CEP295: variants seen among roughly 807,000 people sequenced by gnomAD.
The protein encoded by CEP295 is centrosomal protein of 295 kDa.
In CEP295, 190 loss-of-function variants were observed where a neutral mutation model predicts 291.6. The observed-to-expected ratio is 0.65, with a 90% CI of 0.58 to 0.73. The LOEUF (loss-of-function observed/expected upper bound fraction) is 0.73. Among genes scored for constraint, CEP295 ranks in the 30% least tolerant of loss-of-function variants. CEP295 has a pLI of 0.00. For missense variants in CEP295, 2,863 were observed against 2,949.4 expected, an observed-to-expected ratio of 0.97 and a Z score of 0.68; for synonymous variants, 993 against 1,038.8, an observed-to-expected ratio of 0.96 and a Z score of 0.85.
intron 9 of CEP295, among the ~76,000 whole-genome samples, chr11:93,687,245 A>G (rs1951288632): frequency 6.6e-6 from 1 of 152,180 alleles, no homozygotes; most frequent in Non-Finnish European, 1.5e-5. Flanking sequence ...CATATTTGGG[A>G]CCATTCTCTA....
chr11:93,686,067 C>A (rs1951219782), intron 9 of CEP295, among the ~76,000 whole-genome samples: 1 of 151,670 alleles, frequency 6.6e-6, no homozygotes, highest in African/African-American at 2.4e-5. Context: ...GCCTGTAATC[C>A]CAGCACTTTG....
chr11:93,681,679 G>C (rs1168546257), intron 7 of CEP295, among the ~76,000 whole-genome samples: 1 of 151,910 alleles, frequency 6.6e-6, no homozygotes, highest in Non-Finnish European at 1.5e-5. Context: ...CTCCCAAATT[G>C]CTGGGATTAC....
rs113794262 is a variant in CEP295, at chr11:93,684,145, G to A, written c.1114+17G>A. On this transcript the variant is annotated intron_variant, in intron 9 of 29. Transcript: ENST00000325212. ...AAACAGATGGTAAAAACCCTTCTGA[G>A]CTAAATATTACAGTATTTCACAGAA... 2,424 of 1,544,974 alleles carry A rather than the reference G, an allele frequency of 1.6e-3. 43 individuals are homozygous for A. In the African/African-American group the frequency reaches 0.03, roughly 19 times the overall value.
Position 93,725,916 on chromosome 11 carries a change from G to A in CEP295, c.6499+85G>A. ...TAGAAATTAAGCCTAGCACCTCTTG[G>A]TTTGTCTTCACCCCTGCTCTCACCC... On this transcript the variant is annotated intron_variant, in intron 23 of 29. Coordinates refer to ENST00000325212, the MANE Select transcript of CEP295 (RefSeq NM_033395.2). The A allele has an allele frequency of 8.7e-6, 10 of 1,152,596 alleles. No individual in the cohort carries two copies. In the South Asian group the frequency reaches 1.4e-4, roughly 16 times the overall value. 71.4% of individuals were successfully genotyped at this position (1,152,596 alleles called of 1,614,324 possible). A position where few individuals can be genotyped will look rare whatever the true frequency, so the allele number is the denominator to read the frequency against.
At chr11:93,721,132 A>G (rs978247705) in intron 18 of CEP295, among the ~76,000 whole-genome samples, 180 bp from the exon 19 acceptor site, 7 of 152,246 alleles carry the variant, frequency 4.6e-5, no homozygotes. Flanking sequence ...TGACTAGTGA[A>G]TGTTTTTAAC....
chr11:93,702,755 A>G (rs1264880876), intron 16 of CEP295, 21 bp from the exon 17 acceptor site: 3 of 1,550,498 alleles, frequency 1.9e-6, no homozygotes, highest in Non-Finnish European at 2.6e-6. Flanking sequence ...ATTGTATCCA[A>G]CTTTGTCATT....
intron 22 of CEP295, 48 bp from the exon 23 acceptor site, chr11:93,725,603 G>A (rs1226476579): frequency 7.2e-7 from 1 of 1,395,408 alleles, no homozygotes; most frequent in Non-Finnish European, 9.7e-7. Flanking sequence ...TGTTTCAATT[G>A]TTAATACCTA....
Position 93,721,982 on chromosome 11 carries a change from C to G in CEP295, c.5879C>G (p.Ser1960Cys). 6.3e-7 allele frequency: 1 copy of G among 1,597,986 alleles called. No homozygotes were observed. Among genetic ancestry groups the G allele is most frequent in the Non-Finnish European group, 8.5e-7 (1 of 1,170,326 alleles). ...KAKTLSYEPL[S>C]SATVSTGSLL... ...AAAACACTGTCTTATGAACCATTAT[C>G]TTCAGCAACTGTTTCCACTGGGAGC... The change falls in exon 20 of 30, where the codon TCT (serine) becomes TGT (cysteine). Residue 1960 changes from serine (S) to cysteine (C), a missense_variant. Physicochemically the swap from Ser to Cys is moderately radical, Grantham distance 112 (BLOSUM62 -1). Coordinates refer to ENST00000325212, the MANE Select transcript of CEP295 (RefSeq NM_033395.2).
chr11:93,697,177 T>TG lies in CEP295; in HGVS notation c.2269dup (p.Ala757GlyfsTer17). On this transcript the variant is annotated frameshift_variant, in exon 15 of 30. Transcript: ENST00000325212. LOFTEE classifies it high-confidence loss of function. ...ATGCTAGAAAAATATCTGAAACATT[T>TG]GGGGCAACAACTTTTCAAAGTTTAG... 6.4e-7 allele frequency: 1 copy of TG among 1,551,872 alleles called. No homozygotes were observed. The highest frequency in any genetic ancestry group is 8.7e-7 in the Non-Finnish European group (1 of 1,147,050).
rs1381348831 is a variant in CEP295, at chr11:93,698,833, G to T, written c.3921G>T (p.Glu1307Asp). 1 of 1,551,730 alleles carries T rather than the reference G, an allele frequency of 6.4e-7. No individual in the cohort carries two copies. Among genetic ancestry groups the T allele is most frequent in the Non-Finnish European group, 8.7e-7 (1 of 1,147,002 alleles). The change falls in exon 15 of 30, where the codon GAG (glutamate) becomes GAT (aspartate). Residue 1307 changes from glutamate to aspartate, a missense_variant. Around this residue, in one of 3 missense-constraint regions of CEP295, gnomAD observed 2,295 missense variants for 2,335.7 expected, o/e 0.98. Transcript: ENST00000325212. ...CATTTACTTCGTTAGCTTCAGCTGAGTCTGGCACAATCCTGGAACCTCTTT... is the reference window on the plus strand; with the variant it reads ...CATTTACTTCGTTAGCTTCAGCTGATTCTGGCACAATCCTGGAACCTCTTT... ...QLSFTSLASA[E>D]SGTILEPLFT...
chr11:93,667,835 G>GT, intron 3 of CEP295, 28 bp downstream of exon 3: 3 of 1,424,322 alleles, frequency 2.1e-6, no homozygotes, highest in Middle Eastern at 1.8e-4. Context: ...TGACTACCCT[G>GT]TTGTGGCAGT....
chr11:93,690,323 G>A (rs1187851859), intron 10 of CEP295, among the ~76,000 whole-genome samples: 1 of 151,954 alleles, frequency 6.6e-6, no homozygotes, highest in African/African-American at 2.4e-5. Flanking sequence ...TTGGGAGGCC[G>A]GGGCAGGCAG....
At chr11:93,718,030 G>A (rs1331210828) in intron 18 of CEP295, among the ~76,000 whole-genome samples, 3 of 152,240 alleles carry the variant, frequency 2.0e-5, no homozygotes, top group African/African-American at 7.2e-5. Flanking sequence ...TCCCACCTCA[G>A]CCTCCCGAGT....
rs1477481456 is a variant in CEP295 at position 93,679,433 on chromosome 11, G to A, written c.646G>A (p.Glu216Lys). The A allele has an allele frequency of 1.3e-6, 2 of 1,550,756 alleles. No individual in the cohort carries two copies. Among genetic ancestry groups the A allele is most frequent in the East Asian group, 2.4e-5 (1 of 40,882 alleles). Residue 216 changes from glutamate (E) to lysine (K), a missense_variant, in exon 7 of 30, where the codon GAA becomes AAA. Transcript: ENST00000325212. ...TKRPDARLAA[E>K]EEAKRLEELQ... is the part of the protein sequence containing the mutation. The stretch of plus-strand genomic sequence containing the variant: ...CTAGCCAGATGCTCGTTTGGCTGCT[G>A]AAGAGGAAGCTAAACGATTGGAAGA...
Position 93,725,754 on chromosome 11 carries a change from C to G in CEP295, c.6422C>G (p.Thr2141Arg). ...RRTSMHSSLN[T>R]SPNQQPDTNL... ...ACCAGCATGCATTCTTCTCTTAACA[C>G]AAGTCCGAATCAACAACCTGACACT... The change falls in exon 23 of 30, where the codon ACA (threonine) becomes AGA (arginine). Residue 2141 changes from threonine (T) to arginine (R), a missense_variant. By Grantham distance (71) the Thr-to-Arg change is moderately conservative (BLOSUM62 -1). Around this residue, in one of 3 missense-constraint regions of CEP295, gnomAD observed 2,295 missense variants for 2,335.7 expected, o/e 0.98. Coordinates refer to ENST00000325212, the MANE Select transcript of CEP295 (RefSeq NM_033395.2). 1.9e-6 allele frequency: 3 copies of G among 1,551,768 alleles called. No homozygotes were observed.
intron 5 of CEP295, among the ~76,000 whole-genome samples, chr11:93,673,801 T>C (rs1262631307): frequency 6.6e-6 from 1 of 152,020 alleles, no homozygotes; most frequent in African/African-American, 2.4e-5. Context: ...CCGCAGCTTT[T>C]TAACAATGCT....
In CEP295 at chr11:93,723,152, G is replaced by A. The variant is rs759347176; in HGVS notation, c.6059G>A (p.Arg2020Gln). 1.9e-5 allele frequency: 30 copies of A among 1,551,972 alleles called. No individual in the cohort carries two copies. Among genetic ancestry groups the A allele is most frequent in the African/African-American group, 1.1e-4 (8 of 73,144 alleles). Reference protein sequence around the residue: ...IVPSTQDIYQRQNSSDVHKSL... With the variant: ...IVPSTQDIYQQQNSSDVHKSL... ...CCTTCAACACAAGATATTTATCAGCGGCAGAACTCTTCAGACGTTCATAAA... is the reference window on the plus strand; with the variant it reads ...CCTTCAACACAAGATATTTATCAGCAGCAGAACTCTTCAGACGTTCATAAA... Residue 2020 changes from arginine to glutamine, a missense_variant, in exon 21 of 30, where the codon CGG becomes CAG. This residue lies in a region of CEP295 where 2,295 missense variants were observed against 2,335.7 expected (regional missense o/e 0.98). Coordinates refer to ENST00000325212, the MANE Select transcript of CEP295 (RefSeq NM_033395.2).
In CEP295 at chr11:93,697,986, G is replaced by A; in HGVS notation, c.3074G>A (p.Ser1025Asn). 1.3e-6 allele frequency: 2 copies of A among 1,551,688 alleles called. No homozygotes were observed. The highest frequency in any genetic ancestry group is 1.7e-6 in the Non-Finnish European group (2 of 1,146,976). ...GKIQEQHSSK[S>N]EKGLVSCQSD... ...ATACAGGAGCAACATTCATCTAAGA[G>A]CGAGAAAGGACTTGTTTCATGCCAA... is the stretch of plus-strand genomic sequence containing the variant. The change falls in exon 15 of 30, where the codon AGC becomes AAC. Residue 1025 changes from serine (S) to asparagine (N), a missense_variant. Coordinates refer to ENST00000325212, the MANE Select transcript of CEP295 (RefSeq NM_033395.2).
Position 93,713,207 on chromosome 11 carries a change from CTTTCTGTT to C in CEP295, c.5749+6312_5749+6319del, listed in dbSNP as rs1350771141. 1.4e-4 allele frequency among the ~76,000 whole-genome samples: 21 copies of C among 152,086 alleles called. No individual in the cohort carries two copies. In the East Asian group the frequency reaches 3.9e-3, roughly 28 times the overall value. ...ATTTTTGATCTGTTCATCTTTTTGT[CTTTCTGTT>C]TAAGTATGAGTAGTTTACACAAAAC... On this transcript the variant is annotated intron_variant, in intron 18 of 29. Coordinates refer to ENST00000325212, the MANE Select transcript of CEP295 (RefSeq NM_033395.2).
Sources: allele counts gnomAD v4.1 joint callset (sites outside exome capture counted in the v4.1 genomes callset), GRCh38; gene constraint gnomAD v4.1.1; regional missense constraint gnomAD v4.1.1; transcripts MANE v1.5; gene names NCBI Gene and HGNC (gene_info 2026-07-23, HGNC 2026-07-21).